CAMK2D: variants seen among roughly 807,000 people sequenced by gnomAD.
The protein encoded by CAMK2D is calcium/calmodulin-dependent protein kinase type II subunit delta.
CAMK2D carries 37 observed loss-of-function variants against 84.0 expected under a neutral mutation model. The ratio of observed to expected loss-of-function variants is 0.44; its 90% CI spans 0.34 to 0.58. The LOEUF (loss-of-function observed/expected upper bound fraction) is 0.58. Among genes scored for constraint, CAMK2D ranks in the 20% least tolerant of loss-of-function variants. CAMK2D has a pLI of 0.02. For missense variants in CAMK2D, 448 were observed against 652.5 expected (o/e 0.69, Z 3.41); for synonymous variants, 202 against 212.5 (o/e 0.95, Z 0.43).
chr4:113,682,012 G>C (rs976081342), intron 2 of CAMK2D, among the ~76,000 whole-genome samples: 5 of 152,156 alleles, frequency 3.3e-5, no homozygotes, highest in African/African-American at 7.2e-5. Context: ...ATGGGATACA[G>C]GAGCAGTGGA....
chr4:113,608,646 G>T (rs1319186216), intron 4 of CAMK2D, among the ~76,000 whole-genome samples: 1 of 152,128 alleles, frequency 6.6e-6, no homozygotes, highest in African/African-American at 2.4e-5. Context: ...CCATATGTGT[G>T]GCCTGTTTTA....
At chr4:113,515,290 TCTTC>T in intron 9 of CAMK2D, 99 bp from the exon 10 acceptor site, 1 of 740,272 alleles carries the variant, frequency 1.4e-6, no homozygotes, top group Non-Finnish European at 2.1e-6. Flanking sequence ...GTAGTGAATT[TCTTC>T]ATAAATTTAC....
intron 3 of CAMK2D, among the ~76,000 whole-genome samples, chr4:113,611,397 ATAACAATTATTC>A (rs2098999768): frequency 6.6e-6 from 1 of 152,196 alleles, no homozygotes; most frequent in Non-Finnish European, 1.5e-5. Flanking sequence ...TAAAGAACTC[ATAACAATTATTC>A]TGGAAAATAA....
intron 2 of CAMK2D, chr4:113,754,991 T>C: frequency 2.0e-6 from 2 of 984,574 alleles, no homozygotes; most frequent in Non-Finnish European, 2.4e-6. Flanking sequence ...AAATCAATAA[T>C]GTATAATCAG....
intron 2 of CAMK2D, among the ~76,000 whole-genome samples, chr4:113,755,471 T>G (rs1223162931): frequency 6.6e-6 from 1 of 151,946 alleles, no homozygotes; most frequent in Non-Finnish European, 1.5e-5. Flanking sequence ...TAATGTATTA[T>G]ATTTTACAAA....
chr4:113,708,566 T>C (rs1386120767), intron 2 of CAMK2D, among the ~76,000 whole-genome samples: 2 of 152,186 alleles, frequency 1.3e-5, no homozygotes, highest in Non-Finnish European at 2.9e-5. Flanking sequence ...CACCTAGTAA[T>C]TTTCACATCA....
chr4:113,689,648 C>T lies in CAMK2D; in HGVS notation c.161-27876G>A, dbSNP rs185780367. Among the ~76,000 whole-genome samples the T allele has an allele frequency of 1.4e-4, 22 of 152,270 alleles. No individual in the cohort carries two copies. The East Asian group carries it at 3.1e-3, about 21-fold the overall frequency. On this transcript the variant is annotated intron_variant, in intron 2 of 20. Transcript: ENST00000511664. ...AAATATTCTCCCCTTGCTTTTTCCA[C>T]GGGTAGCTTGCTCAAATGTTACCAA... is the stretch of plus-strand genomic sequence containing the variant.
chr4:113,488,175 TG>T (rs1384591332), intron 16 of CAMK2D, among the ~76,000 whole-genome samples: 1 of 152,104 alleles, frequency 6.6e-6, no homozygotes, highest in Non-Finnish European at 1.5e-5. Flanking sequence ...GGACAATTTT[TG>T]TTAGGTAATG....
intron 8 of CAMK2D, among the ~76,000 whole-genome samples, chr4:113,527,820 T>A (rs75911373): frequency 0.062 from 9,448 of 152,262 alleles, 599 homozygotes; most frequent in East Asian, 0.21. Context: ...TTTTGATATT[T>A]ACAGATATAC....
Position 113,522,962 on chromosome 4 carries a change from C to T in CAMK2D, c.602-5305G>A, listed in dbSNP as rs373278747. Among the ~76,000 whole-genome samples, 73 of 152,154 alleles carry T rather than the reference C, an allele frequency of 4.8e-4. 1 individual carries two copies. In the South Asian group the frequency reaches 0.014, roughly 29 times the overall value. ...TGGGGCCTTTGGGAGATATTTAGTC[C>T]ATGAGGATGGGTCCCTCATGAACAG... On this transcript the variant is annotated intron_variant, in intron 8 of 20. Transcript: ENST00000511664.
chr4:113,532,673 T>A (rs984786773), intron 7 of CAMK2D, among the ~76,000 whole-genome samples: 2 of 152,344 alleles, frequency 1.3e-5, no homozygotes, highest in Non-Finnish European at 2.9e-5. Flanking sequence ...TCGATGCTAA[T>A]GTCCAGATTA....
chr4:113,717,565 C>T (rs1019015899), intron 2 of CAMK2D, among the ~76,000 whole-genome samples: 4 of 151,846 alleles, frequency 2.6e-5, no homozygotes, highest in Non-Finnish European at 5.9e-5. Context: ...TCTTTATCTC[C>T]AAAAGTGAGT....
At chr4:113,491,479 C>T (rs1295006296) in intron 16 of CAMK2D, among the ~76,000 whole-genome samples, 1 of 151,594 alleles carries the variant, frequency 6.6e-6, no homozygotes, top group African/African-American at 2.4e-5. Context: ...AGCCTTGCAT[C>T]CCAGGGATGA....
In CAMK2D at chr4:113,715,406, T is replaced by C. The variant is rs866041547; in HGVS notation, c.160+43914A>G. On this transcript the variant is annotated intron_variant, in intron 2 of 20. Coordinates refer to ENST00000511664, the MANE Select transcript of CAMK2D (RefSeq NM_001321571.2). ...TTTTGGTAGTTACTATTAAGTGGTGTTCCTTTTATTCTCATATGCTATGAG... is the reference window on the plus strand; with the variant it reads ...TTTTGGTAGTTACTATTAAGTGGTGCTCCTTTTATTCTCATATGCTATGAG... Among the ~76,000 whole-genome samples, 14 of 152,276 alleles carry C rather than the reference T, an allele frequency of 9.2e-5. 1 individual carries two copies. The South Asian group carries it at 1.4e-3, about 16-fold the overall frequency.
At chr4:113,625,041 C>T (rs2099061691) in intron 3 of CAMK2D, among the ~76,000 whole-genome samples, 2 of 152,258 alleles carry the variant, frequency 1.3e-5, no homozygotes, top group South Asian at 2.1e-4. Flanking sequence ...TGGAAGAGAC[C>T]ACCTGCCTAG....
chr4:113,567,577 T>G (rs960401600), intron 4 of CAMK2D, among the ~76,000 whole-genome samples: 1 of 152,232 alleles, frequency 6.6e-6, no homozygotes, highest in African/African-American at 2.4e-5. Flanking sequence ...TAAAACTATA[T>G]AAAATAGTCT....
intron 11 of CAMK2D, 39 bp from the exon 12 acceptor site, chr4:113,513,409 A>G: frequency 7.6e-7 from 1 of 1,322,582 alleles, no homozygotes; most frequent in Non-Finnish European, 1.1e-6. Flanking sequence ...AGTGTTGCCT[A>G]TGCAAATTCT....
chr4:113,559,390 A>T lies in CAMK2D; in HGVS notation c.276-7294T>A, dbSNP rs1365526676. On this transcript the variant is annotated intron_variant, in intron 4 of 20. Transcript: ENST00000511664. Reference sequence around the variant, plus strand: ...CTATATGTTAAAATCATTGCCATTTAAAAATCCCTTGTATTATCACATTTT... The same window carrying T: ...CTATATGTTAAAATCATTGCCATTTTAAAATCCCTTGTATTATCACATTTT... Among the ~76,000 whole-genome samples, 4 of 152,240 alleles carry T rather than the reference A, an allele frequency of 2.6e-5. No homozygotes were observed. In the East Asian group the frequency reaches 5.8e-4, roughly 22 times the overall value.
chr4:113,619,148 C>A (rs2099034382), intron 3 of CAMK2D, among the ~76,000 whole-genome samples: 1 of 152,074 alleles, frequency 6.6e-6, no homozygotes. Flanking sequence ...CAAGGTAATT[C>A]TTGACCCTTT....
Sources: gnomAD v4.1 joint callset for allele counts (sites outside exome capture counted in the v4.1 genomes callset) on GRCh38, gnomAD v4.1.1 for gene constraint, MANE v1.5 for transcripts, NCBI Gene and HGNC (gene_info 2026-07-23, HGNC 2026-07-21) for gene names.